ZNF469: variants seen among roughly 807,000 people sequenced by gnomAD.
The protein encoded by ZNF469 is zinc finger protein 469.
A neutral mutation model predicts 1.0 loss-of-function variants in ZNF469; 1 was observed. The ratio of observed to expected loss-of-function variants is 1.00; its 90% CI spans 0.35 to 4.73. ZNF469 has a LOEUF of 4.73. Ranked by LOEUF, ZNF469 falls within the 30% of genes most tolerant of loss-of-function variation. The pLI is 0.16. For missense variants in ZNF469, 6,100 were observed against 5,356.3 expected (o/e 1.14, Z -4.33); for synonymous variants, 2,703 against 2,363.4 (o/e 1.14, Z -4.17).
the ZNF469 span, among the ~76,000 whole-genome samples, chr16:88,121,756 T>A: frequency 6.6e-6 from 1 of 152,248 alleles, no homozygotes; most frequent in Non-Finnish European, 1.5e-5. Flanking sequence ...ACTGCAGAGT[T>A]CTGATATAAC....
At chr16:88,325,897 C>T in the ZNF469 span, among the ~76,000 whole-genome samples, 17 of 152,236 alleles carry the variant, frequency 1.1e-4, no homozygotes, top group South Asian at 6.2e-4. Context: ...ACCTGAAGGA[C>T]GCCACTTCCT....
chr16:88,401,538 G>GATGGATGGATGGATGGATGGATGGATGA (rs1567501602), intron 1 of ZNF469, among the ~76,000 whole-genome samples: 36 of 82,358 alleles, frequency 4.4e-4, no homozygotes, highest in African/African-American at 1.1e-3. Flanking sequence ...TGGATGCATG[G>GATGGATGGATGGATGGATGGATGGATGA]GTGGATGGAT....
Position 88,430,578 on chromosome 16 carries a change from C to A in ZNF469, c.3108C>A (p.Pro1036=), listed in dbSNP as rs574630552. The A allele has an allele frequency of 2.7e-5, 40 of 1,499,562 alleles. No homozygotes were observed. The African/African-American group carries it at 5.4e-4, about 20-fold the overall frequency. The allele number at this position is 1,499,562 out of a possible 1,614,324, so 92.9% of individuals were successfully genotyped here. A position where few individuals can be genotyped will look rare whatever the true frequency, so the allele number is the denominator to read the frequency against. ...GCCGGCTGCCCCCCAGGAAGGACCC[C>A]AGGAAGAGGAAGGCTCGGGGCGGCG... The part of the protein sequence containing the change: ...RRRRLPPRKD[P]RKRKARGGAW... Residue 1036 remains proline, a synonymous_variant, in exon 3 of 3, where the codon CCC becomes CCA. Transcript: ENST00000565624.
At position 88,434,360 on chromosome 16, in the gene ZNF469, C is replaced by T. The variant is rs1252226230; in HGVS notation, c.6890C>T (p.Ala2297Val). ...GLSSTPTGDE[A>V]QAGRGLPGPD... Reference sequence around the variant, plus strand: ...TCCAGCACTCCCACCGGAGATGAGGCACAGGCAGGCAGGGGACTCCCAGGG... The same window carrying T: ...TCCAGCACTCCCACCGGAGATGAGGTACAGGCAGGCAGGGGACTCCCAGGG... The change falls in exon 3 of 3, where the codon GCA becomes GTA. Residue 2297 changes from alanine (A) to valine (V), a missense_variant. Coordinates refer to ENST00000565624, the MANE Select transcript of ZNF469 (RefSeq NM_001367624.2). 1.3e-6 allele frequency: 2 copies of T among 1,550,162 alleles called. No individual in the cohort carries two copies. The highest frequency in any genetic ancestry group is 2.0e-5 in the Admixed American group (1 of 51,012).
chr16:88,147,636 G>C, the ZNF469 span, among the ~76,000 whole-genome samples: 6 of 152,122 alleles, frequency 3.9e-5, no homozygotes. Flanking sequence ...GCTGGGTGCA[G>C]TGTGCTCACG....
At chr16:88,122,885 C>T in the ZNF469 span, among the ~76,000 whole-genome samples, 2 of 151,998 alleles carry the variant, frequency 1.3e-5, no homozygotes, top group Admixed American at 6.6e-5. Flanking sequence ...CTCTGTCCCC[C>T]AGGCTGGAGT....
the ZNF469 span, among the ~76,000 whole-genome samples, chr16:88,325,335 A>G: frequency 6.6e-6 from 1 of 152,208 alleles, no homozygotes; most frequent in South Asian, 2.1e-4. Context: ...GACACCCACC[A>G]GACTGCACAA....
At chr16:88,326,114 T>A in the ZNF469 span, among the ~76,000 whole-genome samples, 1 of 152,208 alleles carries the variant, frequency 6.6e-6, no homozygotes, top group Admixed American at 6.5e-5. Flanking sequence ...GCCTTTGTGA[T>A]ATGGTTTGGC....
the ZNF469 span, among the ~76,000 whole-genome samples, chr16:88,328,449 C>A: frequency 3.9e-5 from 6 of 152,154 alleles, no homozygotes; most frequent in Admixed American, 6.5e-5. Flanking sequence ...TCAGCCGGGG[C>A]CTGGCCGCAT....
the ZNF469 span, among the ~76,000 whole-genome samples, chr16:88,150,062 C>T: frequency 3.3e-4 from 50 of 152,356 alleles, 1 homozygote; most frequent in Admixed American, 2.5e-3. Flanking sequence ...AATCCCAGCA[C>T]TTTGAGAGGC....
chr16:88,305,859 G>T, the ZNF469 span, among the ~76,000 whole-genome samples: 14 of 151,896 alleles, frequency 9.2e-5, no homozygotes, highest in Admixed American at 3.9e-4. Context: ...GCACACTCAC[G>T]CATCCATGTT....
chr16:88,103,376 C>G, the ZNF469 span, among the ~76,000 whole-genome samples: 1 of 152,264 alleles, frequency 6.6e-6, no homozygotes, highest in Admixed American at 6.5e-5. Context: ...CTGGTCTGAG[C>G]TCTCCACCTG....
At chr16:88,317,381 G>A in the ZNF469 span, among the ~76,000 whole-genome samples, 3 of 152,218 alleles carry the variant, frequency 2.0e-5, no homozygotes, top group Non-Finnish European at 4.4e-5. Context: ...GTCCTAGGGG[G>A]ACCCTGTGCA....
chr16:88,186,360 G>T, the ZNF469 span, among the ~76,000 whole-genome samples: 1 of 152,170 alleles, frequency 6.6e-6, no homozygotes, highest in South Asian at 2.1e-4. Context: ...ATGGGAGGCC[G>T]TGGGCTTCGC....
chr16:88,139,120 T>C, the ZNF469 span, among the ~76,000 whole-genome samples: 816 of 152,314 alleles, frequency 5.4e-3, 7 homozygotes, highest in Non-Finnish European at 9.7e-3. Context: ...AATGAGAGGG[T>C]GTTTCGGAGA....
rs139723958 is a variant in ZNF469, at chr16:88,433,383, C to G, written c.5913C>G (p.Ala1971=). Residue 1971 remains alanine, a synonymous_variant, in exon 3 of 3, where the codon GCC becomes GCG. Coordinates refer to ENST00000565624, the MANE Select transcript of ZNF469 (RefSeq NM_001367624.2). Reference sequence around the variant, plus strand: ...AGGTGACAACTCTCCCTGCAGTGGCCGGACATCAGCTGGGGCTGGAGGCAG... The same window carrying G: ...AGGTGACAACTCTCCCTGCAGTGGCGGGACATCAGCTGGGGCTGGAGGCAG... ...GVQVTTLPAV[A]GHQLGLEADG... 3 of 1,550,302 alleles carry G rather than the reference C, an allele frequency of 1.9e-6. No homozygotes were observed. The highest frequency in any genetic ancestry group is 2.0e-5 in the Admixed American group (1 of 51,006).
At chr16:88,345,103 G>A in the ZNF469 span, among the ~76,000 whole-genome samples, 1 of 152,220 alleles carries the variant, frequency 6.6e-6, no homozygotes, top group East Asian at 1.9e-4. Flanking sequence ...GCCTGGGATG[G>A]GGGGAGTGGA....
chr16:88,232,981 G>C, the ZNF469 span, among the ~76,000 whole-genome samples: 4 of 152,192 alleles, frequency 2.6e-5, no homozygotes, highest in Non-Finnish European at 5.9e-5. Flanking sequence ...AGGCTGGCTG[G>C]GGTGGGGCTG....
At chr16:88,242,705 G>C in the ZNF469 span, among the ~76,000 whole-genome samples, 1 of 152,268 alleles carries the variant, frequency 6.6e-6, no homozygotes, top group African/African-American at 2.4e-5. Context: ...GCGGGTTGAG[G>C]GTCAGCCTGG....
Sources: allele counts gnomAD v4.1 joint callset (sites outside exome capture counted in the v4.1 genomes callset), GRCh38; gene constraint gnomAD v4.1.1; transcripts MANE v1.5; gene names NCBI Gene and HGNC (gene_info 2026-07-23, HGNC 2026-07-21).